The following SATB2 variants were observed in gnomAD, a reference collection of about 807,000 sequenced individuals.
The protein encoded by SATB2 is SATB homeobox 2, also known as DNA-binding protein SATB2.
In SATB2, 1 loss-of-function variant was observed where a neutral mutation model predicts 73.4. The observed-to-expected ratio is 0.01, with a 90% confidence interval of 0.00 to 0.06. SATB2 has a LOEUF of 0.06. Among genes scored for constraint, SATB2 ranks in the 10% least tolerant of loss-of-function variants. The probability of loss-of-function intolerance (pLI) is 1.00; values close to 1 mark genes in which losing one functional copy is unlikely to be tolerated. For synonymous variants in SATB2, 397 were observed against 367.0 expected, an observed-to-expected ratio of 1.08 and a Z score of -0.93; for missense variants, 459 against 945.8, an observed-to-expected ratio of 0.49 and a Z score of 6.75.
chr2:199,366,325 A>G (rs1417118818), intron 6 of SATB2, among the ~76,000 whole-genome samples: 1 of 152,008 alleles, frequency 6.6e-6, no homozygotes, highest in East Asian at 1.9e-4. Context: ...AAATCAAATC[A>G]TTACTTTCCC....
In SATB2 at chr2:199,368,717, A is replaced by G. The variant is rs995048972; in HGVS notation, c.598-10T>C. The G allele has an allele frequency of 3.3e-6, 5 of 1,508,446 alleles. No individual in the cohort carries two copies. The highest frequency in any genetic ancestry group is 3.4e-5 in the Admixed American group (2 of 59,578). 93.4% of individuals were successfully genotyped at this position (1,508,446 alleles called of 1,614,324 possible). ...TGGATGAAATCATACTCTGAAAAAA[A>G]AAATTATAGTTATTTTTTCAAAATA... On this transcript the variant is annotated splice_polypyrimidine_tract_variant and intron_variant, in intron 5 of 10. Coordinates refer to ENST00000417098, the MANE Select transcript of SATB2 (RefSeq NM_001172509.2).
intron 7 of SATB2, among the ~76,000 whole-genome samples, chr2:199,341,297 C>T (rs564965711): frequency 1.3e-5 from 2 of 152,036 alleles, no homozygotes; most frequent in Non-Finnish European, 2.9e-5. Flanking sequence ...TAAGCAAGAA[C>T]GAATATGGAA....
At chr2:199,415,100 CA>C (rs1398306620) in intron 3 of SATB2, among the ~76,000 whole-genome samples, 2 of 152,176 alleles carry the variant, frequency 1.3e-5, no homozygotes, top group African/African-American at 4.8e-5. Flanking sequence ...CACAAAACAA[CA>C]TAAGAATGAG....
intron 2 of SATB2, among the ~76,000 whole-genome samples, chr2:199,437,206 C>G (rs887826694): frequency 6.6e-6 from 1 of 152,148 alleles, no homozygotes. Context: ...ATAAGCCTTA[C>G]TAAGCCTTTT....
intron 2 of SATB2, among the ~76,000 whole-genome samples, chr2:199,453,939 A>T (rs935164735): frequency 2.6e-5 from 4 of 152,084 alleles, no homozygotes; most frequent in African/African-American, 9.6e-5. Context: ...AGCAGCTAAT[A>T]AGACCTCTGC....
chr2:199,411,552 T>C (rs1426058734), intron 3 of SATB2, among the ~76,000 whole-genome samples: 6 of 152,214 alleles, frequency 3.9e-5, no homozygotes, highest in Admixed American at 2.0e-4. Context: ...GTTATTTTTA[T>C]TTACAGATAA....
At chr2:199,446,530 T>C (rs968758361) in intron 2 of SATB2, among the ~76,000 whole-genome samples, 1 of 152,272 alleles carries the variant, frequency 6.6e-6, no homozygotes, top group East Asian at 1.9e-4. Context: ...CAAAAATTCC[T>C]TCCAAGGCAA....
intron 3 of SATB2, among the ~76,000 whole-genome samples, chr2:199,382,760 G>A (rs552622174): frequency 3.9e-5 from 6 of 152,100 alleles, no homozygotes; most frequent in African/African-American, 9.7e-5. Context: ...ATTTGTAGGC[G>A]ATGAAAAATC....
intron 2 of SATB2, 44 bp from the exon 3 acceptor site, chr2:199,433,558 C>G (rs376477954): frequency 1.3e-6 from 2 of 1,564,318 alleles, no homozygotes; most frequent in Non-Finnish European, 1.8e-6. Context: ...CATTAAAAAG[C>G]AAATCTCAGT....
chr2:199,381,603 A>T, intron 4 of SATB2, 91 bp downstream of exon 4: 1 of 1,518,426 alleles, frequency 6.6e-7, no homozygotes, highest in Non-Finnish European at 9.1e-7. Context: ...TCCAGAAATT[A>T]ATAGACAGGA....
chr2:199,374,421 T>C (rs973670676), intron 5 of SATB2, among the ~76,000 whole-genome samples: 3 of 152,176 alleles, frequency 2.0e-5, no homozygotes, highest in African/African-American at 7.2e-5. Context: ...GAATAAGGAA[T>C]TGTTGCTTAA....
At position 199,310,180 on chromosome 2, in the gene SATB2, G is replaced by A. The variant is rs568440507; in HGVS notation, c.1543-1223C>T. ...AGCACCGCGAAGAGACAAAAACCCA[G>A]GCCCATCTGCAGCAGCTGTAGGCAC... is the stretch of plus-strand genomic sequence containing the variant. On this transcript the variant is annotated intron_variant, in intron 9 of 10. Transcript: ENST00000417098. Among the ~76,000 whole-genome samples, 14 of 152,258 alleles carry A rather than the reference G, an allele frequency of 9.2e-5. No individual in the cohort carries two copies. The South Asian group carries it at 2.9e-3, about 32-fold the overall frequency.
At chr2:199,419,991 T>A (rs1219146074) in intron 3 of SATB2, among the ~76,000 whole-genome samples, 1 of 152,206 alleles carries the variant, frequency 6.6e-6, no homozygotes, top group East Asian at 1.9e-4. Flanking sequence ...ACAGGGACTT[T>A]TATTCGTATT....
At chr2:199,447,553 T>A (rs1279618438) in intron 2 of SATB2, among the ~76,000 whole-genome samples, 2 of 152,114 alleles carry the variant, frequency 1.3e-5, no homozygotes, top group Non-Finnish European at 2.9e-5. Flanking sequence ...TCATTACTTC[T>A]GACTTCCATT....
At chr2:199,394,408 C>CT (rs1690239351) in intron 3 of SATB2, among the ~76,000 whole-genome samples, 1 of 152,248 alleles carries the variant, frequency 6.6e-6, no homozygotes, top group East Asian at 1.9e-4. Context: ...TTATTCAGAG[C>CT]TTTAAGATAT....
intron 3 of SATB2, among the ~76,000 whole-genome samples, chr2:199,384,295 T>A (rs1427640906): frequency 2.0e-5 from 3 of 152,214 alleles, no homozygotes. Context: ...TCCCAGGCAA[T>A]GGGAAGTGTG....
At chr2:199,398,805 C>A (rs1690380290) in intron 3 of SATB2, among the ~76,000 whole-genome samples, 1 of 151,980 alleles carries the variant, frequency 6.6e-6, no homozygotes, top group African/African-American at 2.4e-5. Flanking sequence ...AGAAGATTCA[C>A]CAGGTTTGAC....
chr2:199,403,988 G>C (rs1176407111), intron 3 of SATB2, among the ~76,000 whole-genome samples: 1 of 152,216 alleles, frequency 6.6e-6, no homozygotes, highest in Non-Finnish European at 1.5e-5. Context: ...GCTGGAGAAA[G>C]AGTAGGTAAT....
chr2:199,455,762 CT>C lies in SATB2; in HGVS notation c.169+106del. 1 of 1,292,788 alleles carries C rather than the reference CT, an allele frequency of 7.7e-7. No homozygotes were observed. Among genetic ancestry groups the C allele is most frequent in the Non-Finnish European group, 1.1e-6 (1 of 932,044 alleles). The allele number at this position is 1,292,788 out of a possible 1,614,324, so 80.1% of individuals were successfully genotyped here. A position where few individuals can be genotyped will look rare whatever the true frequency, so the allele number is the denominator to read the frequency against. ...GCATTATTTGGCAACCTGGAATTCACTTCCTGTAATCCTACACCGCGACAGC... is the reference window on the plus strand; with the variant it reads ...GCATTATTTGGCAACCTGGAATTCACTCCTGTAATCCTACACCGCGACAGC... On this transcript the variant is annotated intron_variant, in intron 2 of 10. Coordinates refer to ENST00000417098, the MANE Select transcript of SATB2 (RefSeq NM_001172509.2). The surrounding 1 kb of genome is among the most constrained non-coding windows in gnomAD (Gnocchi z 4.1).
Sources: allele counts gnomAD v4.1 joint callset (sites outside exome capture counted in the v4.1 genomes callset), GRCh38; gene constraint gnomAD v4.1.1; non-coding constraint Gnocchi (gnomAD v3.1); transcripts MANE v1.5; gene names NCBI Gene and HGNC (gene_info 2026-07-23, HGNC 2026-07-21).